The following FBXL7 variants were observed in gnomAD, a reference collection of about 807,000 sequenced individuals.
FBXL7 encodes F-box/LRR-repeat protein 7.
In FBXL7, 12 loss-of-function variants were observed where a neutral mutation model predicts 38.3. That is an observed-to-expected ratio of 0.31 (90% CI 0.20 to 0.51). The LOEUF is 0.51. Among genes scored for constraint, FBXL7 ranks in the 20% least tolerant of loss-of-function variants. FBXL7 has a pLI of 0.98. For synonymous variants in FBXL7, 297 were observed against 300.9 expected (o/e 0.99, Z 0.13); for missense variants, 567 against 676.4 (o/e 0.84, Z 1.79).
chr5:15,700,773 A>G (rs927778176), intron 2 of FBXL7, among the ~76,000 whole-genome samples: 2 of 152,124 alleles, frequency 1.3e-5, no homozygotes, highest in Non-Finnish European at 2.9e-5. Flanking sequence ...TTCTTTGAGT[A>G]TTTTTAGTTA....
chr5:15,862,758 G>A (rs1728585111), intron 2 of FBXL7, among the ~76,000 whole-genome samples: 1 of 152,178 alleles, frequency 6.6e-6, no homozygotes. Context: ...TGGGAAGGTG[G>A]GCAAAGCTGA....
chr5:15,872,835 G>A (rs564480729), intron 2 of FBXL7, among the ~76,000 whole-genome samples: 25 of 152,190 alleles, frequency 1.6e-4, no homozygotes, highest in Admixed American at 3.9e-4. Flanking sequence ...AATAGTGAGC[G>A]ACCTTAACAC....
chr5:15,541,259 GT>G (rs1173576390), intron 1 of FBXL7, among the ~76,000 whole-genome samples: 1 of 150,934 alleles, frequency 6.6e-6, no homozygotes, highest in Non-Finnish European at 1.5e-5. Context: ...CAACAATGGA[GT>G]TTATTTTTTC....
intron 1 of FBXL7, among the ~76,000 whole-genome samples, chr5:15,584,916 G>A (rs1739257445): frequency 6.6e-6 from 1 of 152,214 alleles, no homozygotes; most frequent in Non-Finnish European, 1.5e-5. Context: ...GCAGGCAGGA[G>A]AGAGCAGGGG....
chr5:15,562,702 C>T (rs909042577), intron 1 of FBXL7, among the ~76,000 whole-genome samples: 2 of 151,768 alleles, frequency 1.3e-5, no homozygotes, highest in African/African-American at 2.4e-5. Flanking sequence ...TCCTCCCTTC[C>T]TCTCTCCATT....
At chr5:15,580,136 A>G (rs1197121758) in intron 1 of FBXL7, among the ~76,000 whole-genome samples, 2 of 152,000 alleles carry the variant, frequency 1.3e-5, no homozygotes, top group Non-Finnish European at 2.9e-5. Flanking sequence ...CCCATGATGG[A>G]ATCAGTGTCC....
At chr5:15,696,294 C>T (rs1418188173) in intron 2 of FBXL7, among the ~76,000 whole-genome samples, 4 of 152,132 alleles carry the variant, frequency 2.6e-5, no homozygotes, top group South Asian at 4.2e-4. Context: ...ACAACATTGT[C>T]GTGCTTTAAA....
Position 15,802,092 on chromosome 5 carries a change from G to A in FBXL7, c.128-125798G>A, listed in dbSNP as rs538213418. ...ACCTTTTCCTCACACCTCCCATCCC[G>A]TTCATCAACAAGCCCACTTGGCTCT... On this transcript the variant is annotated intron_variant, in intron 2 of 3. Coordinates refer to ENST00000504595, the MANE Select transcript of FBXL7 (RefSeq NM_012304.5). Among the ~76,000 whole-genome samples the A allele has an allele frequency of 1.6e-4, 24 of 152,066 alleles. 1 individual carries two copies. Among genetic ancestry groups the A allele is most frequent in the African/African-American group, 5.3e-4 (22 of 41,472 alleles).
At chr5:15,577,278 C>T (rs1320514960) in intron 1 of FBXL7, among the ~76,000 whole-genome samples, 1 of 152,194 alleles carries the variant, frequency 6.6e-6, no homozygotes, top group East Asian at 1.9e-4. Flanking sequence ...TAATTATCTA[C>T]ACCATGGTAT....
chr5:15,772,872 A>T (rs1222200797), intron 2 of FBXL7, among the ~76,000 whole-genome samples: 1 of 150,950 alleles, frequency 6.6e-6, no homozygotes, highest in Non-Finnish European at 1.5e-5. Flanking sequence ...CTTAATAGTG[A>T]CTCAGAGCTA....
At chr5:15,536,221 C>T (rs914347687) in intron 1 of FBXL7, among the ~76,000 whole-genome samples, 3 of 152,258 alleles carry the variant, frequency 2.0e-5, no homozygotes, top group African/African-American at 7.2e-5. Flanking sequence ...AGAGCCTCTG[C>T]TGGGGCAATG....
chr5:15,635,031 T>G (rs1288264645), intron 2 of FBXL7, among the ~76,000 whole-genome samples: 3 of 74,084 alleles, frequency 4.0e-5, no homozygotes, highest in Non-Finnish European at 6.4e-5. Context: ...ATGTGGACAA[T>G]TTTTTTTTTT....
intron 2 of FBXL7, among the ~76,000 whole-genome samples, chr5:15,758,433 C>A (rs1736357063): frequency 6.6e-6 from 1 of 151,574 alleles, no homozygotes. Context: ...GACCATAATA[C>A]CAGGTAGGAA....
At chr5:15,771,773 T>G (rs1361095519) in intron 2 of FBXL7, among the ~76,000 whole-genome samples, 2 of 118,870 alleles carry the variant, frequency 1.7e-5, no homozygotes, top group East Asian at 5.0e-4. Context: ...TTAACAGATT[T>G]TTTTTTTTTT....
At chr5:15,505,980 A>T (rs1359312983) in intron 1 of FBXL7, among the ~76,000 whole-genome samples, 1 of 152,180 alleles carries the variant, frequency 6.6e-6, no homozygotes. Context: ...AGCACTTATC[A>T]TGCATGGTGG....
At chr5:15,865,046 T>G (rs925542805) in intron 2 of FBXL7, among the ~76,000 whole-genome samples, 1 of 152,200 alleles carries the variant, frequency 6.6e-6, no homozygotes, top group African/African-American at 2.4e-5. Context: ...TTTCATTTGC[T>G]GAAGGATTCT....
intron 2 of FBXL7, among the ~76,000 whole-genome samples, chr5:15,692,847 A>T (rs1285472488): frequency 6.6e-6 from 1 of 152,186 alleles, no homozygotes; most frequent in Non-Finnish European, 1.5e-5. Flanking sequence ...GATGTGAAGA[A>T]TGAGGAAGGG....
intron 2 of FBXL7, among the ~76,000 whole-genome samples, chr5:15,786,418 G>T (rs572769689): frequency 6.6e-6 from 1 of 152,266 alleles, no homozygotes; most frequent in African/African-American, 2.4e-5. Context: ...GAGTATCATT[G>T]TTCATTATAT....
chr5:15,719,162 C>T (rs1744126031), intron 2 of FBXL7, among the ~76,000 whole-genome samples: 1 of 151,618 alleles, frequency 6.6e-6, no homozygotes, highest in Non-Finnish European at 1.5e-5. Context: ...TGGGATTTTA[C>T]ACCCTCGTTT....
Sources: allele counts gnomAD v4.1 joint callset (sites outside exome capture counted in the v4.1 genomes callset), GRCh38; gene constraint gnomAD v4.1.1; transcripts MANE v1.5; gene names NCBI Gene and HGNC (gene_info 2026-07-23, HGNC 2026-07-21).